The following ARL6IP5 variants were observed in gnomAD, a reference collection of about 807,000 sequenced individuals.
ARL6IP5 encodes the protein ARF like GTPase 6 interacting protein 5, also known as PRA1 family protein 3.
Under a neutral mutation model 13.0 loss-of-function variants are expected in ARL6IP5, and 6 were observed. The ratio of observed to expected loss-of-function variants is 0.46; its 90% CI spans 0.25 to 0.91. The LOEUF is 0.91. Among genes scored for constraint, ARL6IP5 ranks in the 40% least tolerant of loss-of-function variants. The pLI, the probability that ARL6IP5 is intolerant of heterozygous loss-of-function variation, is 0.17. For missense variants in ARL6IP5, 208 were observed against 248.8 expected (o/e 0.84, Z 1.10); for synonymous variants, 91 against 91.9 (o/e 0.99, Z 0.06).
chr3:69,085,380 G>A (rs1166915987), intron 1 of ARL6IP5, among the ~76,000 whole-genome samples, 157 bp downstream of exon 1: 1 of 152,206 alleles, frequency 6.6e-6, no homozygotes, highest in East Asian at 1.9e-4. Context: ...TTGTTTGCAG[G>A]GCGAGGCCGC....
chr3:69,086,454 C>G (rs896174954), intron 1 of ARL6IP5, among the ~76,000 whole-genome samples: 1 of 152,214 alleles, frequency 6.6e-6, no homozygotes, highest in African/African-American at 2.4e-5. Context: ...CACCCCCATG[C>G]AGAGGTGGAA....
intron 1 of ARL6IP5, among the ~76,000 whole-genome samples, chr3:69,094,249 C>A (rs1043204127): frequency 1.3e-5 from 2 of 152,126 alleles, no homozygotes; most frequent in Admixed American, 1.3e-4. Flanking sequence ...CCTCTCCTAG[C>A]AGTTACAGCC....
Position 69,084,949 on chromosome 3 carries a change from G to T in ARL6IP5, c.-99G>T. ...CTGTCTGCCAACCGCAAAGCCGACC[G>T]AGACGGAGCCGCTGTCAACTCTCCA... On this transcript the variant is annotated 5_prime_UTR_variant, in exon 1 of 3. Transcript: ENST00000273258. The T allele has an allele frequency of 2.0e-6, 3 of 1,472,142 alleles. No individual in the cohort carries two copies. Among genetic ancestry groups the T allele is most frequent in the Non-Finnish European group, 1.8e-6 (2 of 1,096,710 alleles). 91.2% of individuals were successfully genotyped at this position (1,472,142 alleles called of 1,614,324 possible).
rs201200564 is a variant in ARL6IP5 at position 69,085,114 on chromosome 3, C to G, written c.67C>G (p.Arg23Gly). The G allele has an allele frequency of 1.9e-5, 30 of 1,614,190 alleles. No individual in the cohort carries two copies. The highest frequency in any genetic ancestry group is 2.5e-6 in the Non-Finnish European group (3 of 1,180,032). The change falls in exon 1 of 3, where the codon CGG becomes GGG. Residue 23 changes from arginine to glycine, a missense_variant. By Grantham distance (125) the Arg-to-Gly change is moderately radical. Transcript: ENST00000273258. ...CTTCCCGGGTTCCGATCGCTTTGCC[C>G]GGCCGGACTTCAGGGACATTTCCAA... ...DFFPGSDRFA[R>G]PDFRDISKWN...
chr3:69,099,395 A>G (rs1217532164), intron 1 of ARL6IP5, among the ~76,000 whole-genome samples: 2 of 152,068 alleles, frequency 1.3e-5, no homozygotes, highest in Non-Finnish European at 2.9e-5. Flanking sequence ...AAAAAATTAT[A>G]TGCAACTACT....
At chr3:69,091,153 G>A (rs755062880) in intron 1 of ARL6IP5, among the ~76,000 whole-genome samples, 3 of 152,118 alleles carry the variant, frequency 2.0e-5, no homozygotes, top group African/African-American at 4.8e-5. Flanking sequence ...AGCCAAGAAC[G>A]CACGCCACTG....
rs1373841838 is a variant in ARL6IP5 at position 69,104,701 on chromosome 3, A to G, written c.*65A>G. The G allele has an allele frequency of 7.0e-6, 11 of 1,573,014 alleles. No homozygotes were observed. The African/African-American group carries it at 1.2e-4, about 18-fold the overall frequency. On this transcript the variant is annotated 3_prime_UTR_variant, in exon 3 of 3. Transcript: ENST00000273258. Reference sequence around the variant, plus strand: ...TTGCAGCTTGCCCTTGTCCAGACCTATGTTCTGCTTGCGTTTTTGAAACAG... The same window carrying G: ...TTGCAGCTTGCCCTTGTCCAGACCTGTGTTCTGCTTGCGTTTTTGAAACAG...
chr3:69,088,044 A>T (rs549547850), intron 1 of ARL6IP5, among the ~76,000 whole-genome samples: 28 of 152,300 alleles, frequency 1.8e-4, no homozygotes, highest in African/African-American at 5.5e-4. Context: ...ACCCAATTTT[A>T]AAAAACTGTT....
intron 1 of ARL6IP5, chr3:69,089,956 A>G: frequency 2.3e-6 from 1 of 437,430 alleles, no homozygotes; most frequent in South Asian, 1.6e-5. Context: ...CAGTTACTCA[A>G]GATGGTAAGG....
intron 2 of ARL6IP5, 176 bp downstream of exon 2, chr3:69,102,232 C>A (rs963858541): frequency 3.0e-6 from 2 of 656,566 alleles, no homozygotes; most frequent in Non-Finnish European, 5.2e-6. Flanking sequence ...GAACTGAGGT[C>A]AAGAACTATG....
chr3:69,087,611 T>C (rs988762922), intron 1 of ARL6IP5, among the ~76,000 whole-genome samples: 5 of 152,214 alleles, frequency 3.3e-5, no homozygotes, highest in Non-Finnish European at 7.3e-5. Flanking sequence ...TTTGACTAAA[T>C]ATAGCTCCGT....
At chr3:69,094,343 A>G (rs911142429) in intron 1 of ARL6IP5, among the ~76,000 whole-genome samples, 6 of 152,196 alleles carry the variant, frequency 3.9e-5, no homozygotes, top group Admixed American at 2.0e-4. Context: ...CACCAACTCC[A>G]CACCTATATA....
intron 1 of ARL6IP5, among the ~76,000 whole-genome samples, chr3:69,101,316 C>CTTTTTTTTTTTTTTTTTTTTTT (rs549402201): frequency 1.7e-5 from 2 of 119,448 alleles, no homozygotes; most frequent in African/African-American, 3.6e-5. Flanking sequence ...TCAGCTCCAC[C>CTTTTTTTTTTTTTTTTTTTTTT]TTTTTTTTTT....
intron 1 of ARL6IP5, among the ~76,000 whole-genome samples, chr3:69,085,485 G>GA (rs1175252941): frequency 6.6e-6 from 1 of 152,200 alleles, no homozygotes; most frequent in Admixed American, 6.5e-5. Flanking sequence ...CCGCAGGGAA[G>GA]AAAAATGAGA....
chr3:69,100,244 A>G, intron 1 of ARL6IP5, among the ~76,000 whole-genome samples: 1 of 152,168 alleles, frequency 6.6e-6, no homozygotes, highest in Non-Finnish European at 1.5e-5. Flanking sequence ...CTTCTACATA[A>G]TGTGTTTCCT....
chr3:69,104,552 G>C lies in ARL6IP5; in HGVS notation c.483G>C (p.Pro161=), dbSNP rs749163611. The change falls in exon 3 of 3, where the codon CCG becomes CCC. Residue 161 remains proline, a synonymous_variant. Coordinates refer to ENST00000273258, the MANE Select transcript of ARL6IP5 (RefSeq NM_006407.4). Reference sequence around the variant, plus strand: ...AAGGAATAGGTTTGAAGAGGACACCGATGGGCATTGTCCTGGATGCCCTAG... The same window carrying C: ...AAGGAATAGGTTTGAAGAGGACACCCATGGGCATTGTCCTGGATGCCCTAG... ...KMEGIGLKRT[P]MGIVLDALEQ... is the part of the protein sequence containing the mutation. 7 of 1,613,950 alleles carry C rather than the reference G, an allele frequency of 4.3e-6. No individual in the cohort carries two copies. In the Admixed American group the frequency reaches 1.2e-4, roughly 27 times the overall value.
At chr3:69,103,216 G>A (rs7627893) in intron 2 of ARL6IP5, among the ~76,000 whole-genome samples, 13,905 of 152,242 alleles carry the variant, frequency 0.091, 1,180 homozygotes, top group East Asian at 0.36. Flanking sequence ...CAATGATACT[G>A]TTTAATCAAA....
intron 1 of ARL6IP5, among the ~76,000 whole-genome samples, chr3:69,091,631 A>C (rs1575859126): frequency 2.2e-5 from 3 of 138,852 alleles, no homozygotes; most frequent in African/African-American, 2.7e-5. Context: ...GTTTATCTGA[A>C]CTTCTCTCCC....
intron 1 of ARL6IP5, among the ~76,000 whole-genome samples, chr3:69,096,383 A>G (rs975994620): frequency 6.6e-6 from 1 of 152,172 alleles, no homozygotes; most frequent in African/African-American, 2.4e-5. Flanking sequence ...ACTTGTCTAG[A>G]GGAAAATAAA....
Sources: gnomAD v4.1 joint callset for allele counts (sites outside exome capture counted in the v4.1 genomes callset) on GRCh38, gnomAD v4.1.1 for gene constraint, MANE v1.5 for transcripts, NCBI Gene and HGNC (gene_info 2026-07-23, HGNC 2026-07-21) for gene names.